The following TTLL8 variants were observed in gnomAD, a reference collection of about 807,000 sequenced individuals.
TTLL8 encodes tubulin tyrosine ligase like 8.
In TTLL8, 65 loss-of-function variants were observed where a neutral mutation model predicts 77.8. That is an observed-to-expected ratio of 0.84 (90% CI 0.68 to 1.03). The LOEUF (loss-of-function observed/expected upper bound fraction) is 1.03. Ranked by LOEUF, TTLL8 falls within the 50% of genes least tolerant of loss-of-function variation. The pLI is 0.00. For synonymous variants in TTLL8, 402 were observed against 422.8 expected (o/e 0.95, Z 0.60); for missense variants, 910 against 1,004.5 (o/e 0.91, Z 1.27).
At chr22:50,056,942 C>G (rs1190015953), upstream of TTLL8, 4 of 1,289,616 alleles carry the variant, frequency 3.1e-6, no homozygotes, top group African/African-American at 6.1e-5. This position sits in a 1 kb window ranked among gnomAD's most constrained non-coding sequence, Gnocchi z 4.1. Context: ...CCATACTGGC[C>G]TCCGACAGCT....
chr22:50,033,052 C>T, intron 10 of TTLL8, 150 bp downstream of exon 11: 5 of 1,077,448 alleles, frequency 4.6e-6, no homozygotes, highest in Non-Finnish European at 6.0e-6. Context: ...ATCAGCCTCC[C>T]AAGCCTCAGT....
At chr22:50,052,419 G>T (rs1207163729) in intron 1 of TTLL8, among the ~76,000 whole-genome samples, 1 of 152,144 alleles carries the variant, frequency 6.6e-6, no homozygotes, top group Non-Finnish European at 1.5e-5. Context: ...GGGGAAAGGG[G>T]GATTTAAAAA....
chr22:50,044,918 G>A lies in TTLL8; in HGVS notation c.643+337C>T, dbSNP rs2061398693. The stretch of plus-strand genomic sequence containing the variant: ...ACGGGGCCCCTTTGGGGAGACTCAG[G>A]CTGCGGCATCGTGGTGGCCGTGGGG... On this transcript the variant is annotated intron_variant, in intron 6 of 13. Coordinates refer to ENST00000266182, the Ensembl canonical transcript of TTLL8. The surrounding 1 kb of genome is among the most constrained non-coding windows in gnomAD (Gnocchi z 4.2). Among the ~76,000 whole-genome samples, 1 of 152,144 alleles carries A rather than the reference G, an allele frequency of 6.6e-6. No homozygotes were observed. Among genetic ancestry groups the A allele is most frequent in the South Asian group, 2.1e-4 (1 of 4,832 alleles).
chr22:50,045,179 C>T, intron 6 of TTLL8, 76 bp downstream of exon 8: 1 of 1,279,278 alleles, frequency 7.8e-7, no homozygotes, highest in Non-Finnish European at 1.0e-6. Flanking sequence ...ACTGACCACA[C>T]CCAGGAGGCG....
At chr22:50,032,376 T>A (rs1328086918) in intron 10 of TTLL8, among the ~76,000 whole-genome samples, 1 of 152,208 alleles carries the variant, frequency 6.6e-6, no homozygotes, top group Non-Finnish European at 1.5e-5. Context: ...GGCCCTGGCT[T>A]CTCACTGCCC....
At chr22:50,032,051 T>C (rs772608912) in exon 11 of TTLL8, 9 of 1,365,346 alleles carry the variant, frequency 6.6e-6, no homozygotes, top group Non-Finnish European at 8.8e-6. Flanking sequence ...AGCAGGGGGC[T>C]GCGGCCCACA....
chr22:50,052,656 G>C (rs1231108222), intron 1 of TTLL8, among the ~76,000 whole-genome samples: 1 of 152,072 alleles, frequency 6.6e-6, no homozygotes, highest in Non-Finnish European at 1.5e-5. Context: ...AATAGTCTTT[G>C]GGACAAATAA....
chr22:50,042,803 C>T (rs930214405), intron 6 of TTLL8, among the ~76,000 whole-genome samples: 1 of 152,106 alleles, frequency 6.6e-6, no homozygotes, highest in Admixed American at 6.6e-5. Flanking sequence ...TAATAAAGAC[C>T]CAGGAGAATG....
chr22:50,041,729 T>C lies in TTLL8; in HGVS notation c.722A>G (p.Tyr241Cys), dbSNP rs2146674543. 1 of 1,366,304 alleles carries C rather than the reference T, an allele frequency of 7.3e-7. No individual in the cohort carries two copies. The highest frequency in any genetic ancestry group is 1.1e-5 in the South Asian group (1 of 87,682). The allele number at this position is 1,366,304 out of a possible 1,614,324, so 84.6% of individuals were successfully genotyped here. The change falls in exon 7 of 14, where the codon TAC (tyrosine) becomes TGC (cysteine). Residue 241 changes from tyrosine (Y) to cysteine (C), a missense_variant. Physicochemically the swap from Tyr to Cys is radical, Grantham distance 194. Around this residue, in one of 2 missense-constraint regions of TTLL8, gnomAD observed 776 missense variants for 926.1 expected, o/e 0.84. Transcript: ENST00000266182. The surrounding 1 kb of genome is among the most constrained non-coding windows in gnomAD (Gnocchi z 4.3). ...GTCCTCATGCTCCAGCTGCCCCAGG[T>C]AGGCCTGGCACACCTTGCACGCGAT...
chr22:50,030,715 G>A, exon 12 of TTLL8: 1 of 1,305,958 alleles, frequency 7.7e-7, no homozygotes, highest in Non-Finnish European at 1.0e-6. Context: ...TCTTCCTTCA[G>A]TCCCAAGTCC....
At chr22:50,027,106 C>T (rs1486405732) in intron 12 of TTLL8, among the ~76,000 whole-genome samples, 3 of 151,608 alleles carry the variant, frequency 2.0e-5, no homozygotes, top group Non-Finnish European at 2.9e-5. Context: ...CGTGGTGGTG[C>T]GCGCCTGTAG....
chr22:50,051,971 G>A (rs922600874), intron 1 of TTLL8, among the ~76,000 whole-genome samples: 1 of 149,622 alleles, frequency 6.7e-6, no homozygotes, highest in Non-Finnish European at 1.5e-5. Flanking sequence ...CACAGCGGAC[G>A]AAGCGGCACA....
chr22:50,031,893 A>G (rs1012989905), exon 11 of TTLL8: 13 of 1,367,046 alleles, frequency 9.5e-6, no homozygotes, highest in Non-Finnish European at 1.3e-5. Flanking sequence ...TGTTCTTGCG[A>G]GGCTCCACGT....
chr22:50,034,329 C>G lies in TTLL8; in HGVS notation c.1039+16G>C. 7.3e-7 allele frequency: 1 copy of G among 1,361,766 alleles called. No individual in the cohort carries two copies. Among genetic ancestry groups the G allele is most frequent in the South Asian group, 1.1e-5 (1 of 87,730 alleles). 84.4% of individuals were successfully genotyped at this position (1,361,766 alleles called of 1,614,324 possible). ...GCCGTTGGTGGCTATGAACGCGGTGCAGGGAGCATCCGCACCAGGGGACTC... is the reference window on the plus strand; with the variant it reads ...GCCGTTGGTGGCTATGAACGCGGTGGAGGGAGCATCCGCACCAGGGGACTC... On this transcript the variant is annotated intron_variant, in intron 9 of 13. Coordinates refer to ENST00000266182, the Ensembl canonical transcript of TTLL8. This position sits in a 1 kb window ranked among gnomAD's most constrained non-coding sequence, Gnocchi z 4.1.
chr22:50,031,965 G>C (rs2061298261), exon 11 of TTLL8: 1 of 1,366,752 alleles, frequency 7.3e-7, no homozygotes, highest in African/African-American at 1.5e-5. Context: ...AGATGACGCT[G>C]CCCCACACGG....
chr22:50,043,928 G>A (rs1233988741), intron 6 of TTLL8, among the ~76,000 whole-genome samples: 2 of 152,150 alleles, frequency 1.3e-5, no homozygotes, highest in African/African-American at 4.8e-5. Flanking sequence ...GTCTGATACT[G>A]GAATGGTGGA....
chr22:50,043,540 T>G (rs2061388350), intron 6 of TTLL8, among the ~76,000 whole-genome samples: 1 of 147,088 alleles, frequency 6.8e-6, no homozygotes, highest in South Asian at 2.1e-4. Context: ...CACCCTTCGT[T>G]AGATGGATAG....
chr22:50,045,626 T>G (rs1252579045), intron 5 of TTLL8, among the ~76,000 whole-genome samples: 1 of 152,164 alleles, frequency 6.6e-6, no homozygotes, highest in South Asian at 2.1e-4. Flanking sequence ...TTGCCCCAGC[T>G]GCTCGCCGCG....
At chr22:50,048,041 G>A (rs529724355) in intron 3 of TTLL8, among the ~76,000 whole-genome samples, 1 of 152,224 alleles carries the variant, frequency 6.6e-6, no homozygotes, top group South Asian at 2.1e-4. Flanking sequence ...AGGTTGCAGT[G>A]AGCCGAGATT....
Sources: gnomAD v4.1 joint callset for allele counts (sites outside exome capture counted in the v4.1 genomes callset) on GRCh38, gnomAD v4.1.1 for gene constraint, gnomAD v4.1.1 regional missense constraint, Gnocchi (gnomAD v3.1) non-coding constraint, MANE v1.5 for transcripts, NCBI Gene and HGNC (gene_info 2026-07-23, HGNC 2026-07-21) for gene names.